The following NELL1 variants were observed in gnomAD, a reference collection of about 807,000 sequenced individuals.
The protein encoded by NELL1 is neural EGFL like 1.
In NELL1, 76 loss-of-function variants were observed where a neutral mutation model predicts 107.4. The observed-to-expected ratio is 0.71, with a 90% CI of 0.59 to 0.86. NELL1 has a LOEUF of 0.86. Ranked by LOEUF, NELL1 falls within the 40% of genes least tolerant of loss-of-function variation. NELL1 has a pLI of 0.00. For missense variants in NELL1, 1,024 were observed against 1,005.5 expected (o/e 1.02, Z -0.25); for synonymous variants, 353 against 341.2 (o/e 1.03, Z -0.38).
chr11:20,922,473 G>T (rs559790684), intron 7 of NELL1, among the ~76,000 whole-genome samples: 1 of 152,050 alleles, frequency 6.6e-6, no homozygotes, highest in Admixed American at 6.6e-5. Context: ...CACTTTTTTG[G>T]CAGGTGGAAG....
At chr11:21,545,779 C>T (rs1231185438) in intron 16 of NELL1, among the ~76,000 whole-genome samples, 1 of 151,918 alleles carries the variant, frequency 6.6e-6, no homozygotes, top group Non-Finnish European at 1.5e-5. Context: ...GAACTCAGTG[C>T]CCCTTGTAGC....
chr11:21,050,905 G>C (rs975561675), intron 12 of NELL1, among the ~76,000 whole-genome samples: 6 of 152,102 alleles, frequency 3.9e-5, no homozygotes. Flanking sequence ...CCACCTTACT[G>C]GCTCCCCGAG....
chr11:21,196,927 A>G (rs867110917), intron 13 of NELL1, among the ~76,000 whole-genome samples: 1 of 134,660 alleles, frequency 7.4e-6, no homozygotes, highest in Non-Finnish European at 1.5e-5. Flanking sequence ...GCTGGAGTGT[A>G]GTGGTGCCAT....
chr11:21,537,574 A>C (rs925307426), intron 16 of NELL1, among the ~76,000 whole-genome samples: 9 of 152,060 alleles, frequency 5.9e-5, no homozygotes, highest in African/African-American at 9.7e-5. Flanking sequence ...ACTTTGTTAT[A>C]ATACTTTTAT....
In NELL1 at chr11:20,716,598, T is replaced by C. The variant is rs150170592; in HGVS notation, c.184+38538T>C. On this transcript the variant is annotated intron_variant, in intron 2 of 19. Transcript: ENST00000357134. The stretch of plus-strand genomic sequence containing the variant: ...GTGCATGCTTACATATTACCACGTT[T>C]GTATGTGTCCATATACAAGATAGAT... 1.8e-3 allele frequency among the ~76,000 whole-genome samples: 267 copies of C among 152,346 alleles called. 1 individual carries two copies. Among genetic ancestry groups the C allele is most frequent in the African/African-American group, 6.3e-3 (262 of 41,584 alleles).
rs1197905340 is a variant in NELL1, at chr11:20,936,514, A to G, written c.998-1272A>G. On this transcript the variant is annotated intron_variant, in intron 9 of 19. Coordinates refer to ENST00000357134, the MANE Select transcript of NELL1 (RefSeq NM_006157.5). ...ATTGGAAGGGAGGAATGAAAGCCCCATTTCTCACCTGGTCATCCTCTTTGC... is the reference window on the plus strand; with the variant it reads ...ATTGGAAGGGAGGAATGAAAGCCCCGTTTCTCACCTGGTCATCCTCTTTGC... Among the ~76,000 whole-genome samples, 3 of 152,118 alleles carry G rather than the reference A, an allele frequency of 2.0e-5. No individual in the cohort carries two copies. The East Asian group carries it at 5.8e-4, about 29-fold the overall frequency.
intron 15 of NELL1, among the ~76,000 whole-genome samples, chr11:21,493,510 C>T (rs1361652903): frequency 7.6e-6 from 1 of 131,078 alleles, no homozygotes; most frequent in Non-Finnish European, 1.6e-5. Context: ...CACATATTCT[C>T]ACTTATGTGT....
At chr11:21,074,692 C>T (rs978393998) in intron 12 of NELL1, among the ~76,000 whole-genome samples, 1 of 151,496 alleles carries the variant, frequency 6.6e-6, no homozygotes, top group Non-Finnish European at 1.5e-5. Flanking sequence ...TTTTTTAAAG[C>T]AGACTTACTT....
intron 12 of NELL1, among the ~76,000 whole-genome samples, chr11:20,979,861 G>A (rs1049238739): frequency 2.0e-5 from 3 of 152,098 alleles, no homozygotes; most frequent in African/African-American, 7.2e-5. Flanking sequence ...GTGTGCTCCA[G>A]GGCACGGTTT....
intron 12 of NELL1, among the ~76,000 whole-genome samples, chr11:20,961,519 T>C (rs892443586): frequency 2.0e-5 from 3 of 152,322 alleles, no homozygotes; most frequent in Admixed American, 6.5e-5. Context: ...GTCACTTTCC[T>C]CTAAGTGGTC....
intron 14 of NELL1, among the ~76,000 whole-genome samples, chr11:21,311,988 G>A (rs1401859982): frequency 6.6e-6 from 1 of 152,050 alleles, no homozygotes; most frequent in Admixed American, 6.6e-5. Flanking sequence ...AACTAGTTAG[G>A]TCCTTCCACC....
rs573684598 is a variant in NELL1 at position 20,913,447 on chromosome 11, C to T, written c.604-4735C>T. On this transcript the variant is annotated intron_variant, in intron 5 of 19. Transcript: ENST00000357134. ...CTTGCTTAATCTTAGTTATTCCATA[C>T]ACAAGAGGGACCTAATTGGATAATT... Among the ~76,000 whole-genome samples the T allele has an allele frequency of 1.4e-4, 21 of 152,228 alleles. No individual in the cohort carries two copies. The South Asian group carries it at 4.3e-3, about 32-fold the overall frequency.
chr11:21,068,044 A>AAG (rs1303931330), intron 12 of NELL1, among the ~76,000 whole-genome samples: 5 of 149,924 alleles, frequency 3.3e-5, no homozygotes, highest in Non-Finnish European at 5.9e-5. Context: ...AAAAAAAAAA[A>AAG]AAAAAAAAAA....
intron 13 of NELL1, among the ~76,000 whole-genome samples, chr11:21,147,167 C>T (rs970483486): frequency 3.9e-5 from 6 of 152,074 alleles, no homozygotes; most frequent in African/African-American, 7.2e-5. Flanking sequence ...ATAGTAGTTC[C>T]GTGGGGGATT....
intron 15 of NELL1, among the ~76,000 whole-genome samples, chr11:21,503,047 A>T (rs1328002466): frequency 6.6e-6 from 1 of 151,816 alleles, no homozygotes; most frequent in Non-Finnish European, 1.5e-5. Context: ...ATGCCTGGCT[A>T]ATTTTGTATT....
chr11:21,278,642 A>G (rs1457153931), intron 14 of NELL1, among the ~76,000 whole-genome samples: 2 of 152,172 alleles, frequency 1.3e-5, no homozygotes, highest in Non-Finnish European at 2.9e-5. Flanking sequence ...AAATCAAAGA[A>G]CTAAATAGAG....
At chr11:20,822,061 T>G (rs1388287228) in intron 3 of NELL1, among the ~76,000 whole-genome samples, 1 of 152,220 alleles carries the variant, frequency 6.6e-6, no homozygotes, top group African/African-American at 2.4e-5. Flanking sequence ...GTTAAGTTCA[T>G]ACTGGGTCCC....
intron 16 of NELL1, among the ~76,000 whole-genome samples, chr11:21,542,543 G>A (rs1856316261): frequency 6.6e-6 from 1 of 152,036 alleles, no homozygotes; most frequent in African/African-American, 2.4e-5. Context: ...CCTTCTGAGC[G>A]ATGGGCAGGA....
chr11:20,917,443 A>G (rs989771766), intron 5 of NELL1, among the ~76,000 whole-genome samples: 3 of 151,958 alleles, frequency 2.0e-5, no homozygotes, highest in African/African-American at 2.4e-5. Flanking sequence ...TTAAGTCTAT[A>G]TTTTATTTAT....
Sources: allele counts gnomAD v4.1 joint callset (sites outside exome capture counted in the v4.1 genomes callset), GRCh38; gene constraint gnomAD v4.1.1; transcripts MANE v1.5; gene names NCBI Gene and HGNC (gene_info 2026-07-23, HGNC 2026-07-21).